CNBD1: variants seen among roughly 807,000 people sequenced by gnomAD.
The protein encoded by CNBD1 is cyclic nucleotide binding domain containing 1.
Under a neutral mutation model 54.4 loss-of-function variants are expected in CNBD1, and 71 were observed. That is an observed-to-expected ratio of 1.30 (90% CI 1.08 to 1.59). The LOEUF is 1.59. Among genes scored for constraint, CNBD1 ranks in the 40% most tolerant of loss-of-function variants. The pLI, the probability that CNBD1 is intolerant of heterozygous loss-of-function variation, is 0.00. For missense variants in CNBD1, 659 were observed against 518.0 expected (o/e 1.27, Z -2.64); for synonymous variants, 182 against 170.7 (o/e 1.07, Z -0.51).
intron 8 of CNBD1, among the ~76,000 whole-genome samples, chr8:87,344,014 A>C (rs968188489): frequency 6.6e-6 from 1 of 152,122 alleles, no homozygotes; most frequent in Non-Finnish European, 1.5e-5. Flanking sequence ...TGATTTGAGC[A>C]CTAGATAGTC....
chr8:87,375,099 T>C (rs1243625854), intron 10 of CNBD1, among the ~76,000 whole-genome samples: 1 of 151,928 alleles, frequency 6.6e-6, no homozygotes, highest in Non-Finnish European at 1.5e-5. Context: ...GAAATGAAAA[T>C]ATATGTGCAT....
At chr8:87,317,018 G>A (rs1809400838) in intron 8 of CNBD1, among the ~76,000 whole-genome samples, 1 of 151,608 alleles carries the variant, frequency 6.6e-6, no homozygotes, top group Admixed American at 6.6e-5. Context: ...ACTTCTCTAG[G>A]TCTCATTTTT....
intron 4 of CNBD1, among the ~76,000 whole-genome samples, chr8:87,131,002 C>A (rs1444097952): frequency 6.6e-6 from 1 of 151,950 alleles, no homozygotes; most frequent in Non-Finnish European, 1.5e-5. Context: ...ATTAATATAA[C>A]AACTCCAGCC....
At chr8:87,099,183 G>T (rs1355326682) in intron 4 of CNBD1, among the ~76,000 whole-genome samples, 1 of 151,706 alleles carries the variant, frequency 6.6e-6, no homozygotes, top group Non-Finnish European at 1.5e-5. Flanking sequence ...TGTTGTTGTT[G>T]TTTTAAAAAT....
intron 4 of CNBD1, among the ~76,000 whole-genome samples, chr8:87,152,924 T>C (rs529608673): frequency 1.4e-4 from 21 of 152,246 alleles, no homozygotes; most frequent in Non-Finnish European, 2.8e-4. Flanking sequence ...ATTCCTCTTT[T>C]TAAATAATAT....
intron 4 of CNBD1, among the ~76,000 whole-genome samples, chr8:87,143,451 C>T (rs970969579): frequency 2.6e-5 from 4 of 152,134 alleles, no homozygotes; most frequent in African/African-American, 4.8e-5. Context: ...TGTTATTAAA[C>T]ATGCACAGAT....
chr8:87,382,966 G>A (rs942724178), downstream of CNBD1: 9 of 189,342 alleles, frequency 4.8e-5, no homozygotes, highest in Non-Finnish European at 9.7e-5. Flanking sequence ...TGCACAAAAG[G>A]ATGGAAACAT....
intron 4 of CNBD1, among the ~76,000 whole-genome samples, chr8:87,005,155 G>A (rs540166630): frequency 1.7e-3 from 263 of 151,762 alleles, no homozygotes; most frequent in Middle Eastern, 3.4e-3. Flanking sequence ...AGGCCGAGGC[G>A]GGTGGATCAT....
intron 4 of CNBD1, among the ~76,000 whole-genome samples, chr8:86,954,168 T>G (rs1807699266): frequency 6.6e-6 from 1 of 152,204 alleles, no homozygotes; most frequent in African/African-American, 2.4e-5. Flanking sequence ...CAAAAATCTT[T>G]CATTGCATGA....
At chr8:87,412,166 A>G (rs1807757142) in intron 2 of CNBD1, among the ~76,000 whole-genome samples, 2 of 151,988 alleles carry the variant, frequency 1.3e-5, no homozygotes, top group Non-Finnish European at 2.9e-5. Flanking sequence ...GTTCTCCTTC[A>G]TTTTGTCTGC....
intron 6 of CNBD1, among the ~76,000 whole-genome samples, chr8:87,274,454 A>G (rs1808434393): frequency 6.8e-6 from 1 of 147,450 alleles, no homozygotes. Flanking sequence ...CTTTTTAATG[A>G]TCGCCATTCT....
chr8:87,379,819 T>C (rs962759385), intron 10 of CNBD1, among the ~76,000 whole-genome samples: 10 of 151,920 alleles, frequency 6.6e-5, no homozygotes, highest in African/African-American at 2.4e-4. Context: ...GAAGTTGAAG[T>C]AGAATTATAA....
chr8:87,072,507 G>A (rs747367774), intron 4 of CNBD1, among the ~76,000 whole-genome samples: 1 of 152,124 alleles, frequency 6.6e-6, no homozygotes, highest in Non-Finnish European at 1.5e-5. Context: ...GCCTGGTGGT[G>A]AAGAATTTCC....
intron 5 of CNBD1, among the ~76,000 whole-genome samples, chr8:87,223,942 T>C (rs1814411283): frequency 1.3e-5 from 2 of 152,210 alleles, no homozygotes. Flanking sequence ...TTCTAACTGG[T>C]GTGAGATGGT....
At chr8:86,974,084 T>G (rs770450155) in intron 4 of CNBD1, among the ~76,000 whole-genome samples, 1 of 152,152 alleles carries the variant, frequency 6.6e-6, no homozygotes, top group Non-Finnish European at 1.5e-5. Flanking sequence ...CCTGTAATTA[T>G]AATGATAAAT....
intron 4 of CNBD1, among the ~76,000 whole-genome samples, chr8:87,024,844 C>G (rs1444664590): frequency 6.6e-6 from 1 of 152,086 alleles, no homozygotes; most frequent in Non-Finnish European, 1.5e-5. Flanking sequence ...CTACCTAAGA[C>G]TGTACAAATA....
intron 4 of CNBD1, among the ~76,000 whole-genome samples, chr8:87,183,804 G>T (rs1490014868): frequency 6.6e-6 from 1 of 152,212 alleles, no homozygotes; most frequent in East Asian, 1.9e-4. Flanking sequence ...GGGGGACAAA[G>T]CTCAGTTCAG....
At chr8:87,040,035 G>A (rs891766817) in intron 4 of CNBD1, among the ~76,000 whole-genome samples, 1 of 151,820 alleles carries the variant, frequency 6.6e-6, no homozygotes, top group African/African-American at 2.4e-5. Context: ...CTGATCTTTG[G>A]TTCCAAAATA....
chr8:87,197,959 C>T (rs1163565658), intron 4 of CNBD1, among the ~76,000 whole-genome samples: 1 of 152,070 alleles, frequency 6.6e-6, no homozygotes, highest in Non-Finnish European at 1.5e-5. Context: ...ATTCAAGAGT[C>T]AATGTTGAGT....
Sources: allele counts gnomAD v4.1 joint callset (sites outside exome capture counted in the v4.1 genomes callset), GRCh38; gene constraint gnomAD v4.1.1; transcripts MANE v1.5; gene names NCBI Gene and HGNC (gene_info 2026-07-23, HGNC 2026-07-21).